The following SLIT3 variants were observed in gnomAD, a reference collection of about 807,000 sequenced individuals.
SLIT3 encodes the protein slit guidance ligand 3.
SLIT3 carries 68 observed loss-of-function variants against 184.0 expected under a neutral mutation model. That is an observed-to-expected ratio of 0.37 (90% CI 0.30 to 0.45). The LOEUF (loss-of-function observed/expected upper bound fraction) is 0.45. SLIT3 is among the 20% of genes least tolerant of loss of function. The pLI is 1.00. For missense variants in SLIT3, 1,707 were observed against 2,026.0 expected, an observed-to-expected ratio of 0.84 and a Z score of 3.02; for synonymous variants, 831 against 828.6, an observed-to-expected ratio of 1.00 and a Z score of -0.05.
At chr5:168,755,401 C>CTTTCCTTTCTTTCTTTCTTTCT in intron 16 of SLIT3, among the ~76,000 whole-genome samples, 1 of 17,392 alleles carries the variant, frequency 5.7e-5, no homozygotes, top group Non-Finnish European at 9.9e-5. Context: ...TTCTTTCTTT[C>CTTTCCTTTCTTTCTTTCTTTCT]TTTCTTTCTT....
At position 168,685,888 on chromosome 5, in the gene SLIT3, C is replaced by A; in HGVS notation, c.3354G>T (p.Leu1118=). 6.2e-7 allele frequency: 1 copy of A among 1,613,378 alleles called. No individual in the cohort carries two copies. The highest frequency in any genetic ancestry group is 8.5e-7 in the Non-Finnish European group (1 of 1,179,800). ...FCEHPPPMVL[L]QTSPCDQYEC... is the part of the protein sequence containing the mutation. The stretch of plus-strand genomic sequence containing the variant: ...CGTACTGGTCGCATGGGCTGGTCTG[C>A]AGTAGGACCATGGGTGGGGGGTGTT... Residue 1118 remains leucine, a synonymous_variant, in exon 31 of 36, where the codon CTG becomes CTT. Transcript: ENST00000519560.
chr5:168,737,338 A>G (rs1430270077), intron 20 of SLIT3, among the ~76,000 whole-genome samples: 4 of 152,086 alleles, frequency 2.6e-5, no homozygotes, highest in Non-Finnish European at 5.9e-5. Context: ...TTCTTCAACC[A>G]GTGCATTCTT....
At chr5:169,009,692 G>C (rs1318793952) in intron 4 of SLIT3, among the ~76,000 whole-genome samples, 1 of 152,182 alleles carries the variant, frequency 6.6e-6, no homozygotes, top group Non-Finnish European at 1.5e-5. Flanking sequence ...AGTTCATTGA[G>C]CATTCACTGA....
chr5:168,677,873 G>A (rs1761461158), intron 32 of SLIT3, among the ~76,000 whole-genome samples: 1 of 152,204 alleles, frequency 6.6e-6, no homozygotes, highest in African/African-American at 2.4e-5. Context: ...AGCAACTGGG[G>A]TGGGGGAGTA....
intron 4 of SLIT3, among the ~76,000 whole-genome samples, chr5:169,130,577 C>T (rs1208229360): frequency 1.3e-5 from 2 of 152,214 alleles, no homozygotes; most frequent in African/African-American, 4.8e-5. Flanking sequence ...TGTTCATTTA[C>T]TGCTGTATCC....
At chr5:169,059,118 G>A (rs144360841) in intron 4 of SLIT3, among the ~76,000 whole-genome samples, 3 of 152,216 alleles carry the variant, frequency 2.0e-5, no homozygotes, top group Admixed American at 6.5e-5. Context: ...GGAGCTAATC[G>A]CCAGCTCTAG....
intron 10 of SLIT3, among the ~76,000 whole-genome samples, chr5:168,794,587 G>A (rs528757418): frequency 1.3e-5 from 2 of 152,360 alleles, no homozygotes; most frequent in South Asian, 2.1e-4. Flanking sequence ...CAGTGGTGGA[G>A]TGGTGTGACT....
intron 14 of SLIT3, chr5:168,768,131 G>A (rs560771827): frequency 7.6e-5 from 38 of 498,144 alleles, no homozygotes; most frequent in Middle Eastern, 5.5e-4. Context: ...TGGTGGCGGC[G>A]GTGGCGGGCC....
chr5:168,804,099 G>A (rs1457326149), intron 9 of SLIT3, among the ~76,000 whole-genome samples: 2 of 151,842 alleles, frequency 1.3e-5, no homozygotes, highest in Non-Finnish European at 2.9e-5. Flanking sequence ...CTGAGGTCAG[G>A]AGTTCAAGAC....
chr5:169,251,183 T>A (rs1401276963), intron 2 of SLIT3, among the ~76,000 whole-genome samples: 1 of 152,200 alleles, frequency 6.6e-6, no homozygotes, highest in Non-Finnish European at 1.5e-5. Context: ...AGTTCTTCCA[T>A]CGATCTAGCT....
At chr5:168,692,779 G>A in intron 28 of SLIT3, 79 bp from the exon 29 acceptor site, 7 of 1,016,708 alleles carry the variant, frequency 6.9e-6, no homozygotes, top group South Asian at 1.4e-5. Flanking sequence ...TACTAGGGGG[G>A]ATATCCTGGC....
intron 4 of SLIT3, among the ~76,000 whole-genome samples, chr5:169,042,793 A>G (rs1291411803): frequency 6.6e-6 from 1 of 152,180 alleles, no homozygotes; most frequent in African/African-American, 2.4e-5. Context: ...TGGGCTTGGG[A>G]TTCTGAACAG....
chr5:168,870,795 A>G (rs1581163612), intron 5 of SLIT3, among the ~76,000 whole-genome samples: 2 of 152,206 alleles, frequency 1.3e-5, no homozygotes, highest in East Asian at 3.8e-4. Context: ...TTAAATCTTT[A>G]TCACTGTTGA....
At chr5:168,897,646 GTACA>G (rs1345178017) in intron 4 of SLIT3, among the ~76,000 whole-genome samples, 1 of 105,380 alleles carries the variant, frequency 9.5e-6, no homozygotes, top group Non-Finnish European at 2.0e-5. Flanking sequence ...ACAGGTGCAC[GTACA>G]CACACACACA....
intron 20 of SLIT3, among the ~76,000 whole-genome samples, chr5:168,729,356 T>C (rs1320605446): frequency 6.6e-6 from 1 of 152,088 alleles, no homozygotes; most frequent in Non-Finnish European, 1.5e-5. Flanking sequence ...GAATGTTTAA[T>C]ATAAAAGTGA....
Position 168,795,301 on chromosome 5 carries a change from C to T in SLIT3, c.1007+206G>A, listed in dbSNP as rs529740651. 3.3e-5 allele frequency among the ~76,000 whole-genome samples: 5 copies of T among 152,308 alleles called. No individual in the cohort carries two copies. The East Asian group carries it at 7.7e-4, about 24-fold the overall frequency. Reference sequence around the variant, plus strand: ...TTAGTTGGAGAGGCTCTTAGCGCTACATGTCCAAGCCCACACACCTCACAA... The same window carrying T: ...TTAGTTGGAGAGGCTCTTAGCGCTATATGTCCAAGCCCACACACCTCACAA... On this transcript the variant is annotated intron_variant, in intron 10 of 35. Transcript: ENST00000519560.
rs376270824 is a variant in SLIT3, at chr5:168,671,307, G to A, written c.4018C>T (p.His1340Tyr). ...TTCTCCACGGAGCGGCACAGGCCGT[G>A]CTTGCACACGGTGCAGGACTTGCAG... is the stretch of plus-strand genomic sequence containing the variant. ...PGCKSCTVCK[H>Y]GLCRSVEKDS... Residue 1340 changes from histidine to tyrosine, a missense_variant, in exon 34 of 36, where the codon CAC becomes TAC. By Grantham distance (83) the His-to-Tyr change is moderately conservative. This residue lies in a region of SLIT3 where 387 missense variants were observed against 477.9 expected (regional missense o/e 0.81). Coordinates refer to ENST00000519560, the MANE Select transcript of SLIT3 (RefSeq NM_003062.4). 26 of 1,614,002 alleles carry A rather than the reference G, an allele frequency of 1.6e-5. No individual in the cohort carries two copies. In the African/African-American group the frequency reaches 3.2e-4, roughly 20 times the overall value.
At chr5:169,105,865 C>A (rs977017746) in intron 4 of SLIT3, among the ~76,000 whole-genome samples, 1 of 152,122 alleles carries the variant, frequency 6.6e-6, no homozygotes, top group Admixed American at 6.5e-5. Flanking sequence ...CATTGATGGG[C>A]ACTTAGGTTG....
In SLIT3 at chr5:169,300,926, G is replaced by T; in HGVS notation, c.-217C>A. ...CAACAGCAGCTCCATCGGCGGGGCC[G>T]GCGCTGCCCCGCTGCGCATCGCTGG... On this transcript the variant is annotated 5_prime_UTR_variant, in exon 1 of 36. Transcript: ENST00000519560. The surrounding 1 kb of genome is among the most constrained non-coding windows in gnomAD (Gnocchi z 4.1). 1 of 242,824 alleles carries T rather than the reference G, an allele frequency of 4.1e-6. No individual in the cohort carries two copies. Among genetic ancestry groups the T allele is most frequent in the Non-Finnish European group, 7.7e-6 (1 of 130,016 alleles). The allele number at this position is 242,824 out of a possible 1,614,324, so 15.0% of individuals were successfully genotyped here.
Sources: allele counts gnomAD v4.1 joint callset (sites outside exome capture counted in the v4.1 genomes callset), GRCh38; gene constraint gnomAD v4.1.1; regional missense constraint gnomAD v4.1.1; non-coding constraint Gnocchi (gnomAD v3.1); transcripts MANE v1.5; gene names NCBI Gene and HGNC (gene_info 2026-07-23, HGNC 2026-07-21).